The following DLG2 variants were observed in gnomAD, a reference collection of about 807,000 sequenced individuals.
DLG2 encodes the protein disks large homolog 2.
A neutral mutation model predicts 132.5 loss-of-function variants in DLG2; 45 were observed. That is an observed-to-expected ratio of 0.34 (90% CI 0.27 to 0.44). DLG2 has a LOEUF of 0.44. Among genes scored for constraint, DLG2 ranks in the 20% least tolerant of loss-of-function variants. The probability of loss-of-function intolerance (pLI) is 1.00; values close to 1 mark genes in which losing one functional copy is unlikely to be tolerated. For synonymous variants in DLG2, 424 were observed against 419.6 expected, an observed-to-expected ratio of 1.01 and a Z score of -0.13; for missense variants, 1,045 against 1,196.9, an observed-to-expected ratio of 0.87 and a Z score of 1.87.
At chr11:84,589,523 A>G (rs1294235617) in intron 6 of DLG2, among the ~76,000 whole-genome samples, 1 of 152,204 alleles carries the variant, frequency 6.6e-6, no homozygotes, top group Non-Finnish European at 1.5e-5. Flanking sequence ...CAAATCCCTT[A>G]TAACTAGAAG....
In DLG2 at chr11:84,093,050, A is replaced by G. The variant is rs559688262; in HGVS notation, c.749+5873T>C. On this transcript the variant is annotated intron_variant, in intron 10 of 27. Transcript: ENST00000376104. The stretch of plus-strand genomic sequence containing the variant: ...GTCTCCGTCAAAAAAAAAAAAAAAA[A>G]GAAAGAAAGAAAGAAAGAAAATTAC... Among the ~76,000 whole-genome samples, 1,201 of 150,830 alleles carry G rather than the reference A, an allele frequency of 8.0e-3. 10 individuals are homozygous for G. The highest frequency in any genetic ancestry group is 0.028 in the African/African-American group (1,144 of 40,996).
intron 6 of DLG2, among the ~76,000 whole-genome samples, chr11:84,950,546 T>G (rs534314767): frequency 2.6e-5 from 4 of 152,306 alleles, no homozygotes; most frequent in South Asian, 4.1e-4. Flanking sequence ...CTATATACAT[T>G]CATTAACAAA....
chr11:84,541,809 C>A (rs575950284), intron 6 of DLG2, among the ~76,000 whole-genome samples: 50 of 152,196 alleles, frequency 3.3e-4, no homozygotes, highest in African/African-American at 1.1e-3. Context: ...CTACCACAGT[C>A]CCCCCTACAC....
chr11:83,695,986 TTC>T lies in DLG2; in HGVS notation c.1826-62663_1826-62662del, dbSNP rs570144311. Among the ~76,000 whole-genome samples the T allele has an allele frequency of 9.0e-4, 137 of 152,286 alleles. 1 individual carries two copies. Among genetic ancestry groups the T allele is most frequent in the South Asian group, 8.7e-3 (42 of 4,818 alleles). On this transcript the variant is annotated intron_variant, in intron 18 of 27. Coordinates refer to ENST00000376104, the MANE Select transcript of DLG2 (RefSeq NM_001142699.3). Reference sequence around the variant, plus strand: ...GGCTTGGGAGTCACGGGGTGGATCATTCTCTGTCATGTGGGTCAGGGGACTCC... The same window carrying T: ...GGCTTGGGAGTCACGGGGTGGATCATTCTGTCATGTGGGTCAGGGGACTCC...
chr11:85,213,052 G>T (rs555310320), intron 4 of DLG2, among the ~76,000 whole-genome samples: 1 of 151,852 alleles, frequency 6.6e-6, no homozygotes. Context: ...TATTTGATAG[G>T]ACCACAAAGG....
At chr11:84,693,263 A>C (rs1269460183) in intron 6 of DLG2, among the ~76,000 whole-genome samples, 3 of 151,766 alleles carry the variant, frequency 2.0e-5, no homozygotes, top group Non-Finnish European at 4.4e-5. Context: ...TTTCCCTTTT[A>C]ATATAGCATA....
At chr11:83,779,564 C>A (rs1226502553) in intron 18 of DLG2, among the ~76,000 whole-genome samples, 3 of 152,054 alleles carry the variant, frequency 2.0e-5, no homozygotes, top group African/African-American at 7.2e-5. Context: ...AAAGCCACTC[C>A]CCATCATGAG....
chr11:83,795,442 TATA>T (rs2042590657), intron 17 of DLG2, among the ~76,000 whole-genome samples: 2 of 48,684 alleles, frequency 4.1e-5, no homozygotes, highest in African/African-American at 1.3e-4. Flanking sequence ...TCTATATCTA[TATA>T]TCTATATCTA....
At chr11:83,729,945 C>CT (rs2090697709) in intron 18 of DLG2, among the ~76,000 whole-genome samples, 1 of 152,006 alleles carries the variant, frequency 6.6e-6, no homozygotes, top group Non-Finnish European at 1.5e-5. Context: ...AACCAAGTCA[C>CT]TTGTATCAGA....
intron 7 of DLG2, among the ~76,000 whole-genome samples, chr11:84,493,871 A>G (rs2099172415): frequency 6.6e-6 from 1 of 152,212 alleles, no homozygotes; most frequent in Non-Finnish European, 1.5e-5. Context: ...TATCAGGAAC[A>G]TGCCATCTGA....
chr11:85,617,434 G>A (rs967165608), intron 2 of DLG2, among the ~76,000 whole-genome samples: 3 of 152,264 alleles, frequency 2.0e-5, no homozygotes, highest in East Asian at 1.9e-4. Context: ...GACAAAGAGC[G>A]TTAACCTCAC....
At chr11:84,487,959 T>C (rs1228588456) in intron 7 of DLG2, among the ~76,000 whole-genome samples, 2 of 152,142 alleles carry the variant, frequency 1.3e-5, no homozygotes, top group Non-Finnish European at 2.9e-5. Context: ...AGACAAAGTA[T>C]TCATGGATCA....
At chr11:84,303,220 A>T (rs187653694) in intron 7 of DLG2, among the ~76,000 whole-genome samples, 4 of 152,230 alleles carry the variant, frequency 2.6e-5, no homozygotes, top group African/African-American at 9.6e-5. Flanking sequence ...AGATTAGAGA[A>T]ATGAAAAATC....
intron 15 of DLG2, among the ~76,000 whole-genome samples, chr11:83,920,289 C>G (rs2077624169): frequency 6.6e-6 from 1 of 152,106 alleles, no homozygotes; most frequent in Non-Finnish European, 1.5e-5. Context: ...TCCTTTAAAC[C>G]TCATATGAGC....
intron 17 of DLG2, among the ~76,000 whole-genome samples, chr11:83,807,221 A>G (rs1182602930): frequency 6.6e-6 from 1 of 152,236 alleles, no homozygotes. Context: ...TCAAGACTTC[A>G]TAAAAGCAGT....
At chr11:83,551,633 T>C (rs546557) in intron 19 of DLG2, among the ~76,000 whole-genome samples, 105,603 of 151,886 alleles carry the variant, frequency 0.7, 37,036 homozygotes, top group African/African-American at 0.78. Context: ...AACTACAGGC[T>C]GTACTGTAGC....
intron 10 of DLG2, among the ~76,000 whole-genome samples, chr11:84,085,117 T>C (rs1204699361): frequency 6.6e-6 from 1 of 152,250 alleles, no homozygotes; most frequent in African/African-American, 2.4e-5. Flanking sequence ...AGTGGCTTGA[T>C]GCTTGTGCAA....
At position 84,090,274 on chromosome 11, in the gene DLG2, C is replaced by T. The variant is rs572021885; in HGVS notation, c.749+8649G>A. 8.2e-3 allele frequency among the ~76,000 whole-genome samples: 1,252 copies of T among 151,808 alleles called. 20 individuals carry two copies. The highest frequency in any genetic ancestry group is 0.029 in the African/African-American group (1,182 of 41,416). Reference sequence around the variant, plus strand: ...ACTAAAAATGCAAAAATTAGCTGGGCGTGGTAGCAGGCGCCTGTAATCCCA... The same window carrying T: ...ACTAAAAATGCAAAAATTAGCTGGGTGTGGTAGCAGGCGCCTGTAATCCCA... On this transcript the variant is annotated intron_variant, in intron 10 of 27. Coordinates refer to ENST00000376104, the MANE Select transcript of DLG2 (RefSeq NM_001142699.3).
At chr11:83,461,957 C>T in intron 27 of DLG2, 45 bp downstream of exon 27, 4 of 1,336,002 alleles carry the variant, frequency 3.0e-6, no homozygotes, top group Non-Finnish European at 3.2e-6. Flanking sequence ...AAATGTCAGA[C>T]AATTTATCCC....
Sources: gnomAD v4.1 joint callset for allele counts (sites outside exome capture counted in the v4.1 genomes callset) on GRCh38, gnomAD v4.1.1 for gene constraint, MANE v1.5 for transcripts, NCBI Gene and HGNC (gene_info 2026-07-23, HGNC 2026-07-21) for gene names.